Variants in BEST3 observed in about 807,000 individuals in gnomAD.
BEST3 encodes bestrophin 3.
In BEST3, 50 loss-of-function variants were observed where a neutral mutation model predicts 47.1. That is an observed-to-expected ratio of 1.06 (90% CI 0.85 to 1.34). The LOEUF (loss-of-function observed/expected upper bound fraction) is 1.34. Among genes scored for constraint, BEST3 ranks in the 40% most tolerant of loss-of-function variants. The pLI, the probability that BEST3 is intolerant of heterozygous loss-of-function variation, is 0.00. For synonymous variants in BEST3, 282 were observed against 298.8 expected, an observed-to-expected ratio of 0.94 and a Z score of 0.58; for missense variants, 765 against 817.0, an observed-to-expected ratio of 0.94 and a Z score of 0.78.
rs1884555282 is a variant in BEST3 at position 69,671,317 on chromosome 12, A to G, written c.1100+111T>C. 9.7e-6 allele frequency: 11 copies of G among 1,130,958 alleles called. No individual in the cohort carries two copies. In the South Asian group the frequency reaches 2.0e-4, roughly 20 times the overall value. 70.1% of individuals were successfully genotyped at this position (1,130,958 alleles called of 1,614,324 possible). A position where few individuals can be genotyped will look rare whatever the true frequency, so the allele number is the denominator to read the frequency against. On this transcript the variant is annotated intron_variant, in intron 9 of 9. Transcript: ENST00000330891. Reference sequence around the variant, plus strand: ...AGTAGCTAGGACTACAGGTGACATCACAGTTGGCTACTTTAAATTATTTTA... The same window carrying G: ...AGTAGCTAGGACTACAGGTGACATCGCAGTTGGCTACTTTAAATTATTTTA...
chr12:69,678,769 T>C lies in BEST3; in HGVS notation c.606A>G (p.Arg202=). Residue 202 remains arginine (R), a synonymous_variant, in exon 5 of 10, where the codon AGA becomes AGG. Transcript: ENST00000330891. ...ATKARNEGRI[R]DSVDLQSLMT... ...TCAATGATTGCAGATCAACACTGTCTCTGATTCTACCTTCATTCCGGGCTT... is the reference window on the plus strand; with the variant it reads ...TCAATGATTGCAGATCAACACTGTCCCTGATTCTACCTTCATTCCGGGCTT... 6.2e-7 allele frequency: 1 copy of C among 1,614,166 alleles called. No individual in the cohort carries two copies. Among genetic ancestry groups the C allele is most frequent in the African/African-American group, 1.3e-5 (1 of 75,062 alleles).
rs1884564135 is a variant in BEST3 at position 69,671,410 on chromosome 12, T to C, written c.1100+18A>G. ...CTCAGGCTGGAAAATATTAGAGATT[T>C]TTTAAAAATGCACTTACCCCATCTG... On this transcript the variant is annotated intron_variant, in intron 9 of 9. Coordinates refer to ENST00000330891, the MANE Select transcript of BEST3 (RefSeq NM_032735.3). The C allele has an allele frequency of 6.3e-7, 1 of 1,595,484 alleles. No homozygotes were observed. The highest frequency in any genetic ancestry group is 1.7e-5 in the Admixed American group (1 of 57,176).
chr12:69,697,776 T>C lies in BEST3; in HGVS notation c.23A>G (p.Lys8Arg). The C allele has an allele frequency of 6.2e-7, 1 of 1,610,366 alleles. No homozygotes were observed. Among genetic ancestry groups the C allele is most frequent in the African/African-American group, 1.3e-5 (1 of 74,830 alleles). Residue 8 changes from lysine to arginine, a missense_variant, in exon 2 of 10, where the codon AAA becomes AGA. By Grantham distance (26) the Lys-to-Arg change is conservative (BLOSUM62 2). Transcript: ENST00000330891. ...TCCAAAAAAAGTTGCATTTGCTACTTTACTGGAGTAAGTGACAGTCATCTT... is the reference window on the plus strand; with the variant it reads ...TCCAAAAAAAGTTGCATTTGCTACTCTACTGGAGTAAGTGACAGTCATCTT... MTVTYSS[K>R]VANATFFGFH... is the part of the protein sequence containing the mutation.
rs762796433 is a variant in BEST3, at chr12:69,693,774, C to T, written c.381G>A (p.Thr127=). ...SDEHGRLLRR[T]LMRYVNLTSL... ...AGGTGAGATTGACGTAGCGCATCAG[C>T]GTCCTTCTAAGCAGGCGCCCGTGCT... Residue 127 remains threonine, a synonymous_variant, in exon 4 of 10, where the codon ACG becomes ACA. Coordinates refer to ENST00000330891, the MANE Select transcript of BEST3 (RefSeq NM_032735.3). 3.7e-6 allele frequency: 6 copies of T among 1,614,082 alleles called. No homozygotes were observed. The highest frequency in any genetic ancestry group is 1.3e-5 in the African/African-American group (1 of 74,944).
At chr12:69,681,620 G>A (rs957764387) in intron 4 of BEST3, among the ~76,000 whole-genome samples, 6 of 152,022 alleles carry the variant, frequency 3.9e-5, no homozygotes, top group African/African-American at 7.3e-5. Flanking sequence ...GACTTAGGCC[G>A]TTGTTCTTAA....
intron 9 of BEST3, among the ~76,000 whole-genome samples, chr12:69,668,629 C>A (rs1054153158): frequency 6.6e-6 from 1 of 152,212 alleles, no homozygotes; most frequent in African/African-American, 2.4e-5. Flanking sequence ...CCCAGCGAAA[C>A]CATTCACCCT....
intron 2 of BEST3, among the ~76,000 whole-genome samples, chr12:69,697,391 T>C (rs1226307354): frequency 6.6e-6 from 1 of 152,204 alleles, no homozygotes; most frequent in Non-Finnish European, 1.5e-5. Flanking sequence ...TTTGTGCCTA[T>C]TGCAACAGTC....
intron 9 of BEST3, among the ~76,000 whole-genome samples, chr12:69,668,504 C>G (rs1446948329): frequency 6.6e-6 from 1 of 152,220 alleles, no homozygotes; most frequent in Non-Finnish European, 1.5e-5. Context: ...TCCCCTTGCC[C>G]TTAGCCTCAG....
chr12:69,689,324 G>C, intron 4 of BEST3: 2 of 943,808 alleles, frequency 2.1e-6, no homozygotes, highest in South Asian at 4.9e-5. Flanking sequence ...GCCGGTGACA[G>C]CGGGTGCCGG....
chr12:69,655,266 G>A lies in BEST3; in HGVS notation c.1648C>T (p.Leu550=), dbSNP rs1883390009. The change falls in exon 10 of 10, where the codon CTG becomes TTG. Residue 550 remains leucine, a synonymous_variant. Coordinates refer to ENST00000330891, the MANE Select transcript of BEST3 (RefSeq NM_032735.3). ...EQQQGPMGSI[L]SPSEKETPPG... Reference sequence around the variant, plus strand: ...GGTGTCTCCTTCTCTGAGGGAGACAGGATGGATCCCATGGGGCCCTGCTGC... The same window carrying A: ...GGTGTCTCCTTCTCTGAGGGAGACAAGATGGATCCCATGGGGCCCTGCTGC... 6.2e-7 allele frequency: 1 copy of A among 1,614,184 alleles called. No homozygotes were observed. Among genetic ancestry groups the A allele is most frequent in the Non-Finnish European group, 8.5e-7 (1 of 1,180,022 alleles).
chr12:69,659,115 G>C (rs1364605610), intron 9 of BEST3, among the ~76,000 whole-genome samples: 1 of 152,136 alleles, frequency 6.6e-6, no homozygotes, highest in East Asian at 1.9e-4. Context: ...GCTCTGGGGG[G>C]CAGTTTTAAG....
chr12:69,694,174 A>C (rs1026296843), intron 3 of BEST3, 196 bp downstream of exon 3: 1 of 571,838 alleles, frequency 1.7e-6, no homozygotes, highest in Admixed American at 3.3e-5. Context: ...ATAGCAGATT[A>C]TTTCCTCAAA....
At chr12:69,657,507 C>T (rs1883579604) in intron 9 of BEST3, among the ~76,000 whole-genome samples, 1 of 152,112 alleles carries the variant, frequency 6.6e-6, no homozygotes, top group Non-Finnish European at 1.5e-5. Context: ...TAGTTATTTG[C>T]CACACATCTC....
intron 9 of BEST3, among the ~76,000 whole-genome samples, chr12:69,665,747 C>G (rs143514289): frequency 3.5e-4 from 53 of 152,266 alleles, no homozygotes; most frequent in African/African-American, 1.2e-3. Flanking sequence ...TGAATACAGT[C>G]TGGTCTATTT....
At chr12:69,679,002 A>C (rs1220748329) in intron 4 of BEST3, 109 bp from the exon 5 acceptor site, 1 of 921,248 alleles carries the variant, frequency 1.1e-6, no homozygotes, top group Non-Finnish European at 1.6e-6. Flanking sequence ...TATTAAAGAA[A>C]TATGGAATAA....
chr12:69,661,812 C>T (rs17813527), intron 9 of BEST3, among the ~76,000 whole-genome samples: 46,758 of 152,048 alleles, frequency 0.31, 8,123 homozygotes, highest in South Asian at 0.54. Context: ...GGGCTGATGA[C>T]CCCACTACTA....
intron 4 of BEST3, chr12:69,683,787 A>G (rs1885396218): frequency 6.6e-6 from 1 of 152,194 alleles, no homozygotes; most frequent in Non-Finnish European, 1.5e-5. Context: ...ACCTTGGCAA[A>G]ATAAACTTTC....
chr12:69,699,271 G>A lies in BEST3; in HGVS notation c.-82C>T, dbSNP rs1329673763. Reference sequence around the variant, plus strand: ...TCAAATTTCGGGCTCCCCCGAAGAGGTGCCTTCAGGTCGGTGCTGCACGCC... The same window carrying A: ...TCAAATTTCGGGCTCCCCCGAAGAGATGCCTTCAGGTCGGTGCTGCACGCC... On this transcript the variant is annotated 5_prime_UTR_variant, in exon 1 of 10. Coordinates refer to ENST00000330891, the MANE Select transcript of BEST3 (RefSeq NM_032735.3). The A allele has an allele frequency of 2.6e-5, 26 of 985,306 alleles. No individual in the cohort carries two copies. Among genetic ancestry groups the A allele is most frequent in the Admixed American group, 6.1e-5 (1 of 16,268 alleles). The allele number at this position is 985,306 out of a possible 1,614,324, so 61.0% of individuals were successfully genotyped here.
intron 9 of BEST3, among the ~76,000 whole-genome samples, chr12:69,659,478 C>A (rs760982851): frequency 1.3e-5 from 2 of 152,128 alleles, no homozygotes; most frequent in African/African-American, 2.4e-5. Flanking sequence ...CTTAGCCTCC[C>A]AAGTAACTAG....
Sources: gnomAD v4.1 joint callset for allele counts (sites outside exome capture counted in the v4.1 genomes callset) on GRCh38, gnomAD v4.1.1 for gene constraint, MANE v1.5 for transcripts, NCBI Gene and HGNC (gene_info 2026-07-23, HGNC 2026-07-21) for gene names.